PCCA: variants seen among roughly 807,000 people sequenced by gnomAD.
The protein encoded by PCCA is propionyl-CoA carboxylase alpha chain, mitochondrial.
In PCCA, 74 loss-of-function variants were observed where a neutral mutation model predicts 101.3. That is an observed-to-expected ratio of 0.73 (90% CI 0.61 to 0.89). PCCA has a LOEUF of 0.89. Ranked by LOEUF, PCCA falls within the 40% of genes least tolerant of loss-of-function variation. The pLI, the probability that PCCA is intolerant of heterozygous loss-of-function variation, is 0.00. For synonymous variants in PCCA, 294 were observed against 313.6 expected (o/e 0.94, Z 0.66); for missense variants, 891 against 907.0 (o/e 0.98, Z 0.23).
At chr13:100,179,942 A>T (rs113322776) in intron 6 of PCCA, among the ~76,000 whole-genome samples, 1 of 152,218 alleles carries the variant, frequency 6.6e-6, no homozygotes, top group African/African-American at 2.4e-5. Flanking sequence ...GAATATAGAG[A>T]TTGGATATAG....
chr13:100,487,474 TTGTG>T (rs1205577291), intron 21 of PCCA, among the ~76,000 whole-genome samples: 2 of 152,200 alleles, frequency 1.3e-5, no homozygotes, highest in African/African-American at 2.4e-5. Flanking sequence ...AGTTAGTTGA[TTGTG>T]TGTGTGGTGT....
At chr13:100,500,419 A>T (rs552468049) in intron 21 of PCCA, among the ~76,000 whole-genome samples, 3 of 152,184 alleles carry the variant, frequency 2.0e-5, no homozygotes, top group Non-Finnish European at 4.4e-5. Flanking sequence ...TAATAATAAC[A>T]TGTGCATTCC....
At chr13:100,489,162 G>A (rs2084678071) in intron 21 of PCCA, among the ~76,000 whole-genome samples, 1 of 151,944 alleles carries the variant, frequency 6.6e-6, no homozygotes, top group East Asian at 1.9e-4. Context: ...AAAAAAATTA[G>A]CCAGGCGTGG....
chr13:100,402,419 T>A (rs1406657157), intron 19 of PCCA, among the ~76,000 whole-genome samples: 1 of 152,060 alleles, frequency 6.6e-6, no homozygotes, highest in Admixed American at 6.5e-5. Context: ...CCTATAATTA[T>A]AAATATAAGT....
rs143330113 is a variant in PCCA at position 100,407,980 on chromosome 13, G to T, written c.1747-17653G>T. On this transcript the variant is annotated intron_variant, in intron 19 of 23. Transcript: ENST00000376285. ...AGCCTGACCAACATGGTGAGACCCT[G>T]TCTCTACTAAAAATACAAAAAATTA... Among the ~76,000 whole-genome samples the T allele has an allele frequency of 1.9e-3, 289 of 152,156 alleles. 10 individuals are homozygous for T. The East Asian group carries it at 0.047, about 25-fold the overall frequency.
chr13:100,360,183 T>C (rs2074415913), intron 18 of PCCA, among the ~76,000 whole-genome samples: 1 of 152,022 alleles, frequency 6.6e-6, no homozygotes, highest in South Asian at 2.1e-4. Flanking sequence ...CCCTTTTTTT[T>C]TTCTTTAACC....
At chr13:100,345,130 A>G (rs962840494) in intron 18 of PCCA, among the ~76,000 whole-genome samples, 3 of 152,242 alleles carry the variant, frequency 2.0e-5, no homozygotes, top group Non-Finnish European at 1.5e-5. Context: ...GTGGCCTCTA[A>G]GTGTTCAAGT....
At chr13:100,366,222 C>G (rs9518060) in intron 18 of PCCA, among the ~76,000 whole-genome samples, 4 of 151,862 alleles carry the variant, frequency 2.6e-5, no homozygotes, top group African/African-American at 9.7e-5. Context: ...AGTATTGACC[C>G]CATTCGAAGT....
chr13:100,356,015 T>A (rs2073923521), intron 18 of PCCA, among the ~76,000 whole-genome samples: 1 of 152,158 alleles, frequency 6.6e-6, no homozygotes, highest in African/African-American at 2.4e-5. Flanking sequence ...ATTGAATGAG[T>A]TAAGATTAAT....
At chr13:100,468,347 G>C (rs1215377941) in intron 21 of PCCA, among the ~76,000 whole-genome samples, 1 of 152,182 alleles carries the variant, frequency 6.6e-6, no homozygotes, top group Non-Finnish European at 1.5e-5. Context: ...TAGCAAGAGA[G>C]TTGGCCTGTC....
At chr13:100,370,120 C>T (rs1242744508) in intron 19 of PCCA, among the ~76,000 whole-genome samples, 3 of 110,738 alleles carry the variant, frequency 2.7e-5, no homozygotes, top group African/African-American at 1.1e-4. Context: ...CTTGCTCTGT[C>T]GCCCAGAGGC....
intron 6 of PCCA, among the ~76,000 whole-genome samples, chr13:100,173,014 C>T (rs9582375): frequency 0.19 from 29,595 of 151,840 alleles, 3,058 homozygotes; most frequent in Non-Finnish European, 0.24. Context: ...TTTTTTTTAC[C>T]CATCCTTATT....
chr13:100,429,043 G>T (rs930897709), intron 20 of PCCA, among the ~76,000 whole-genome samples: 4 of 152,100 alleles, frequency 2.6e-5, no homozygotes, highest in African/African-American at 9.7e-5. Flanking sequence ...GGCAAAGAGA[G>T]AAGTCAGCAG....
intron 4 of PCCA, among the ~76,000 whole-genome samples, chr13:100,142,408 A>C (rs1170446216): frequency 6.6e-6 from 1 of 151,696 alleles, no homozygotes; most frequent in Non-Finnish European, 1.5e-5. Flanking sequence ...ACCTCTTGTC[A>C]CAAATTTAGT....
At chr13:100,247,980 CTAAT>C (rs1173884861) in intron 8 of PCCA, among the ~76,000 whole-genome samples, 4 of 152,098 alleles carry the variant, frequency 2.6e-5, no homozygotes, top group African/African-American at 9.7e-5. Flanking sequence ...GTTTTCAAGT[CTAAT>C]TATGATATTA....
chr13:100,243,270 G>A (rs918592650), intron 8 of PCCA, among the ~76,000 whole-genome samples: 1 of 152,080 alleles, frequency 6.6e-6, no homozygotes, highest in African/African-American at 2.4e-5. Context: ...TTGTTACAGA[G>A]TATATATTCA....
At chr13:100,443,328 G>A (rs2080519381) in intron 20 of PCCA, among the ~76,000 whole-genome samples, 1 of 152,036 alleles carries the variant, frequency 6.6e-6, no homozygotes. Flanking sequence ...AATGGTGCAT[G>A]CCTGTGGGTC....
chr13:100,316,119 G>C (rs1449506828), intron 16 of PCCA, among the ~76,000 whole-genome samples: 1 of 152,080 alleles, frequency 6.6e-6, no homozygotes, highest in Non-Finnish European at 1.5e-5. Context: ...AGTAGTTTCG[G>C]GAACAGTTAG....
At position 100,360,419 on chromosome 13, in the gene PCCA, A is replaced by G. The variant is rs115990739; in HGVS notation, c.1644-8053A>G. Among the ~76,000 whole-genome samples, 1,147 of 152,300 alleles carry G rather than the reference A, an allele frequency of 7.5e-3. 13 individuals carry two copies. The highest frequency in any genetic ancestry group is 0.026 in the African/African-American group (1,073 of 41,558). On this transcript the variant is annotated intron_variant, in intron 18 of 23. Transcript: ENST00000376285. The stretch of plus-strand genomic sequence containing the variant: ...TGAAATGGGCTCACCCCTGTCTCCT[A>G]CCACACAGGAAAGTTAGAGATGCAT...
Sources: gnomAD v4.1 joint callset for allele counts (sites outside exome capture counted in the v4.1 genomes callset) on GRCh38, gnomAD v4.1.1 for gene constraint, MANE v1.5 for transcripts, NCBI Gene and HGNC (gene_info 2026-07-23, HGNC 2026-07-21) for gene names.